Variants in PPEF1 observed in about 807,000 individuals in gnomAD.
PPEF1 encodes the protein serine/threonine-protein phosphatase with EF-hands 1.
A neutral mutation model predicts 53.3 loss-of-function variants in PPEF1; 12 were observed. That is an observed-to-expected ratio of 0.23 (90% CI 0.14 to 0.36). PPEF1 has a LOEUF of 0.36. Among genes scored for constraint, PPEF1 ranks in the 10% least tolerant of loss-of-function variants. The pLI is 1.00. For synonymous variants in PPEF1, 165 were observed against 176.7 expected (o/e 0.93, Z 0.52); for missense variants, 334 against 490.4 (o/e 0.68, Z 3.01).
At chrX:18,807,013 T>G (rs761760455) in intron 12 of PPEF1, among the ~76,000 whole-genome samples, 435 of 26,051 alleles carry the variant, frequency 0.017, 1 homozygote, top group African/African-American at 0.05. Context: ...GGTTTTTTTT[T>G]TGTTTGTTTT....
intron 6 of PPEF1, among the ~76,000 whole-genome samples, chrX:18,777,606 G>A (rs1393044486): frequency 9.1e-6 from 1 of 110,058 alleles, no homozygotes; most frequent in Non-Finnish European, 1.9e-5. Flanking sequence ...TGCCAGCTCC[G>A]GCTCCCGGAC....
rs142233323 is a variant in PPEF1, at chrX:18,728,595, C to T, written c.47-1586C>T. On this transcript the variant is annotated intron_variant, in intron 1 of 15. Coordinates refer to ENST00000470157, the MANE Select transcript of PPEF1 (RefSeq NM_001377996.1). ...TCATTTGTATATTATAACACCACAA[C>T]ATGTCACTCTATTTCTTCTTCCTGT... is the stretch of plus-strand genomic sequence containing the variant. 7.5e-3 allele frequency among the ~76,000 whole-genome samples: 833 copies of T among 111,393 alleles called. 13 individuals carry two copies. Among genetic ancestry groups the T allele is most frequent in the African/African-American group, 0.025 (779 of 30,612 alleles).
At chrX:18,682,122 A>G (rs1928904428), upstream of PPEF1, among the ~76,000 whole-genome samples, 1 of 112,835 alleles carries the variant, frequency 8.9e-6, no homozygotes, top group African/African-American at 3.2e-5. Flanking sequence ...ATGATGTCCA[A>G]ATCTCACTGA....
At chrX:18,734,685 A>T (rs866444824) in intron 3 of PPEF1, among the ~76,000 whole-genome samples, 4 of 111,278 alleles carry the variant, frequency 3.6e-5, no homozygotes, top group African/African-American at 1.3e-4. Flanking sequence ...CTGGTTCTAG[A>T]TCCTTGAGGA....
chrX:18,748,265 G>T, intron 3 of PPEF1, among the ~76,000 whole-genome samples: 1 of 112,391 alleles, frequency 8.9e-6, no homozygotes, highest in African/African-American at 3.2e-5. Flanking sequence ...CAAGAATTTA[G>T]AAAATATTTT....
chrX:18,678,573 A>G (rs1241986209), upstream of PPEF1, among the ~76,000 whole-genome samples: 2 of 111,948 alleles, frequency 1.8e-5, no homozygotes, highest in Non-Finnish European at 3.8e-5. Flanking sequence ...CTGTCCCCCC[A>G]CTGGGACTTG....
rs1404878663 is a variant in PPEF1 at position 18,729,501 on chromosome X, T to C, written c.47-680T>C. ...TAGTATTTCATTCTGTCTCTGACTT[T>C]TTAATAACCATTCCAATGGAAGTAC... is the stretch of plus-strand genomic sequence containing the variant. On this transcript the variant is annotated intron_variant, in intron 1 of 15. Coordinates refer to ENST00000470157, the MANE Select transcript of PPEF1 (RefSeq NM_001377996.1). 4.4e-5 allele frequency among the ~76,000 whole-genome samples: 5 copies of C among 112,362 alleles called. No individual in the cohort carries two copies. The East Asian group carries it at 1.4e-3, about 31-fold the overall frequency.
At chrX:18,729,135 A>G (rs919831885) in intron 1 of PPEF1, among the ~76,000 whole-genome samples, 4 of 84,576 alleles carry the variant, frequency 4.7e-5, no homozygotes, top group Admixed American at 4.7e-4. Context: ...TTTACCAGGC[A>G]TTGGGCTAAA....
intron 4 of PPEF1, among the ~76,000 whole-genome samples, chrX:18,693,119 G>A (rs1929501828): frequency 8.9e-6 from 1 of 112,328 alleles, no homozygotes. Flanking sequence ...GATAGCAGCC[G>A]AAGATGGAGC....
At chrX:18,709,250 A>G (rs962744097) in intron 1 of PPEF1, among the ~76,000 whole-genome samples, 1 of 111,578 alleles carries the variant, frequency 9.0e-6, no homozygotes, top group Non-Finnish European at 1.9e-5. Context: ...TCCATTAAGC[A>G]CTTTCTCCTC....
intron 3 of PPEF1, among the ~76,000 whole-genome samples, chrX:18,748,973 A>G (rs1382628487): frequency 2.7e-5 from 3 of 112,201 alleles, no homozygotes; most frequent in East Asian, 2.8e-4. Flanking sequence ...TACAAAGAGC[A>G]TGGATAGAAG....
At chrX:18,821,222 CAAAA>C (rs55725180) in intron 13 of PPEF1, among the ~76,000 whole-genome samples, 5 of 55,232 alleles carry the variant, frequency 9.1e-5, no homozygotes, top group African/African-American at 7.8e-5. Flanking sequence ...GACTCTGTCT[CAAAA>C]AAAAAAAAAA....
At chrX:18,676,441 G>A (rs1372839843) in intron 1 of PPEF1, among the ~76,000 whole-genome samples, 1 of 108,660 alleles carries the variant, frequency 9.2e-6, no homozygotes, top group African/African-American at 3.4e-5. Context: ...GATGTCCTCA[G>A]TTAGCTCCCT....
chrX:18,780,376 G>GCTCA (rs1434220118), intron 7 of PPEF1, among the ~76,000 whole-genome samples: 1 of 112,299 alleles, frequency 8.9e-6, no homozygotes, highest in African/African-American at 3.2e-5. Flanking sequence ...CTTATGCAGA[G>GCTCA]CTCAGGACAA....
intron 6 of PPEF1, among the ~76,000 whole-genome samples, chrX:18,772,185 C>T (rs982975576): frequency 2.7e-5 from 3 of 111,081 alleles, no homozygotes; most frequent in African/African-American, 9.8e-5. Flanking sequence ...AATATATTTA[C>T]TACTCAACTC....
At chrX:18,687,333 A>G (rs1569239169) in intron 3 of PPEF1, among the ~76,000 whole-genome samples, 1 of 111,208 alleles carries the variant, frequency 9.0e-6, no homozygotes, top group Non-Finnish European at 1.9e-5. Context: ...GGCTGCTACA[A>G]TGTGTGTTAA....
intron 10 of PPEF1, among the ~76,000 whole-genome samples, chrX:18,801,004 G>A (rs192024184): frequency 2.7e-5 from 3 of 111,907 alleles, no homozygotes; most frequent in East Asian, 2.8e-4. Context: ...ATTACAGGTC[G>A]AATTATGTCC....
In PPEF1 at chrX:18,827,432, A is replaced by G. The variant is rs2047189795; in HGVS notation, c.1907A>G (p.Tyr636Cys). 2.5e-6 allele frequency: 3 copies of G among 1,211,220 alleles called. No homozygotes were observed. The highest frequency in any genetic ancestry group is 2.2e-5 in the Admixed American group (1 of 45,975). The change falls in exon 16 of 16, where the codon TAT (tyrosine) becomes TGT (cysteine). Residue 636 changes from tyrosine to cysteine, a missense_variant. Physicochemically the swap from Tyr to Cys is radical, Grantham distance 194 (BLOSUM62 -2). Coordinates refer to ENST00000470157, the MANE Select transcript of PPEF1 (RefSeq NM_001377996.1). The stretch of plus-strand genomic sequence containing the variant: ...TTTAATGAGTTTTTAAAGGCTTTCT[A>G]TGTAGTGCATAGATATGAAGACTTG... ...IDFNEFLKAF[Y>C]VVHRYEDLMK... is the part of the protein sequence containing the mutation.
intron 10 of PPEF1, among the ~76,000 whole-genome samples, chrX:18,794,233 A>G (rs1199624430): frequency 8.9e-6 from 1 of 112,948 alleles, no homozygotes; most frequent in Non-Finnish European, 1.9e-5. Context: ...TCCCCGATTC[A>G]GTCTGTTAAA....
Sources: allele counts gnomAD v4.1 joint callset (sites outside exome capture counted in the v4.1 genomes callset), GRCh38; gene constraint gnomAD v4.1.1; transcripts MANE v1.5; gene names NCBI Gene and HGNC (gene_info 2026-07-23, HGNC 2026-07-21).